The following LURAP1L variants were observed in gnomAD, a reference collection of about 807,000 sequenced individuals.
LURAP1L encodes the protein leucine rich adaptor protein 1-like.
In LURAP1L, 12 loss-of-function variants were observed where a neutral mutation model predicts 13.8. The ratio of observed to expected loss-of-function variants is 0.87; its 90% CI spans 0.56 to 1.41. The LOEUF (loss-of-function observed/expected upper bound fraction) is 1.41, where lower values mean the gene tolerates loss of function less well. Ranked by LOEUF, LURAP1L falls within the 40% of genes most tolerant of loss-of-function variation. The pLI, the probability that LURAP1L is intolerant of heterozygous loss-of-function variation, is 0.00. For missense variants in LURAP1L, 375 were observed against 292.9 expected, an observed-to-expected ratio of 1.28 and a Z score of -2.04; for synonymous variants, 139 against 119.2, an observed-to-expected ratio of 1.17 and a Z score of -1.08.
chr9:12,820,490 G>T (rs985598030), intron 1 of LURAP1L, among the ~76,000 whole-genome samples: 2 of 106,186 alleles, frequency 1.9e-5, no homozygotes, highest in African/African-American at 7.5e-5. Flanking sequence ...ACGACAGATC[G>T]AGACTCCGTC....
intron 1 of LURAP1L, among the ~76,000 whole-genome samples, chr9:12,815,101 T>C (rs1452990421): frequency 6.6e-6 from 1 of 152,192 alleles, no homozygotes; most frequent in Admixed American, 6.5e-5. Context: ...AATATTTTTA[T>C]GGATCTTCTG....
intron 1 of LURAP1L, among the ~76,000 whole-genome samples, chr9:12,793,527 C>T (rs1819472565): frequency 6.6e-6 from 1 of 151,960 alleles, no homozygotes; most frequent in Non-Finnish European, 1.5e-5. Context: ...AACAATGTTA[C>T]AATTTACATA....
intron 1 of LURAP1L, among the ~76,000 whole-genome samples, chr9:12,813,839 T>G (rs1819770042): frequency 6.6e-6 from 1 of 152,182 alleles, no homozygotes; most frequent in Non-Finnish European, 1.5e-5. Flanking sequence ...ATATCAGGTG[T>G]AACAATAACA....
intron 1 of LURAP1L, among the ~76,000 whole-genome samples, chr9:12,809,618 G>T (rs1167365755): frequency 6.6e-6 from 1 of 152,176 alleles, no homozygotes; most frequent in Non-Finnish European, 1.5e-5. Context: ...CCACACTTGA[G>T]TCTGGTTCTG....
chr9:12,813,440 A>T (rs931086155), intron 1 of LURAP1L, among the ~76,000 whole-genome samples: 6 of 152,146 alleles, frequency 3.9e-5, no homozygotes, highest in Non-Finnish European at 8.8e-5. Flanking sequence ...ATCTCTTATC[A>T]ATCCCATGTT....
chr9:12,816,521 A>T (rs914839497), intron 1 of LURAP1L, among the ~76,000 whole-genome samples: 1 of 152,124 alleles, frequency 6.6e-6, no homozygotes, highest in African/African-American at 2.4e-5. Context: ...AGCAACCAAA[A>T]CTCCGACTGC....
chr9:12,815,515 G>C (rs1563899018), intron 1 of LURAP1L, among the ~76,000 whole-genome samples: 1 of 152,148 alleles, frequency 6.6e-6, no homozygotes, highest in South Asian at 2.1e-4. Flanking sequence ...TTCCTTCAAT[G>C]TATGTGACTA....
intron 1 of LURAP1L, among the ~76,000 whole-genome samples, chr9:12,793,688 AT>A (rs1181080950): frequency 2.0e-5 from 3 of 152,078 alleles, no homozygotes; most frequent in African/African-American, 7.2e-5. Flanking sequence ...ACCATTGTGC[AT>A]TATGATAAAG....
intron 1 of LURAP1L, among the ~76,000 whole-genome samples, chr9:12,782,112 T>C (rs1473172029): frequency 2.0e-5 from 3 of 152,214 alleles, no homozygotes; most frequent in African/African-American, 7.2e-5. Flanking sequence ...TATTAGACAT[T>C]TTTCCTACTG....
chr9:12,819,836 C>A (rs983546999), intron 1 of LURAP1L, among the ~76,000 whole-genome samples: 3 of 152,084 alleles, frequency 2.0e-5, no homozygotes, highest in Non-Finnish European at 2.9e-5. Context: ...TGCCTGTAAT[C>A]CCAGCTACTC....
At chr9:12,779,974 A>G (rs929084667) in intron 1 of LURAP1L, among the ~76,000 whole-genome samples, 19 of 152,326 alleles carry the variant, frequency 1.2e-4, no homozygotes, top group Middle Eastern at 6.8e-3. Flanking sequence ...GATCTCCAGT[A>G]GTACTTCCTC....
intron 1 of LURAP1L, among the ~76,000 whole-genome samples, chr9:12,787,631 C>G (rs569824556): frequency 6.6e-6 from 1 of 152,292 alleles, no homozygotes; most frequent in South Asian, 2.1e-4. Context: ...GAGCACTTCT[C>G]TGGCTCTCAA....
At chr9:12,793,551 A>G (rs749769506) in intron 1 of LURAP1L, among the ~76,000 whole-genome samples, 8 of 152,076 alleles carry the variant, frequency 5.3e-5, no homozygotes, top group Admixed American at 6.6e-5. Context: ...AAGTGGGATT[A>G]TAAGAGACTA....
intron 1 of LURAP1L, among the ~76,000 whole-genome samples, chr9:12,820,883 A>C (rs1021503841): frequency 6.6e-6 from 1 of 152,182 alleles, no homozygotes; most frequent in Non-Finnish European, 1.5e-5. Context: ...CAGTGTTATT[A>C]GATTTTGCTA....
chr9:12,792,308 G>T (rs947065763), intron 1 of LURAP1L, among the ~76,000 whole-genome samples: 2 of 152,048 alleles, frequency 1.3e-5, no homozygotes, highest in East Asian at 3.8e-4. Flanking sequence ...GAGAATGAAA[G>T]ACACAGGAAA....
At chr9:12,806,986 A>C (rs1819666370) in intron 1 of LURAP1L, among the ~76,000 whole-genome samples, 1 of 128,858 alleles carries the variant, frequency 7.8e-6, no homozygotes, top group African/African-American at 3.0e-5. Context: ...GCGCCACTGC[A>C]CTCCAGCCTG....
chr9:12,807,025 A>ACT (rs1563896042), intron 1 of LURAP1L, among the ~76,000 whole-genome samples: 21 of 140,164 alleles, frequency 1.5e-4, no homozygotes, highest in Admixed American at 3.7e-4. Context: ...CGTCTCAAAA[A>ACT]AAAAAAAAAA....
intron 1 of LURAP1L, among the ~76,000 whole-genome samples, chr9:12,812,829 T>A (rs1398390103): frequency 6.6e-6 from 1 of 152,204 alleles, no homozygotes; most frequent in Admixed American, 6.5e-5. Flanking sequence ...AAAATTATTA[T>A]AATACAAAAG....
At chr9:12,819,862 G>A (rs1038312864) in intron 1 of LURAP1L, among the ~76,000 whole-genome samples, 4 of 152,120 alleles carry the variant, frequency 2.6e-5, no homozygotes, top group East Asian at 1.9e-4. Flanking sequence ...GCTGAGGCAG[G>A]AGAATAATTT....
Sources: allele counts gnomAD v4.1 joint callset (sites outside exome capture counted in the v4.1 genomes callset), GRCh38; gene constraint gnomAD v4.1.1; transcripts MANE v1.5; gene names NCBI Gene and HGNC (gene_info 2026-07-23, HGNC 2026-07-21).